The following RAF1 variants were observed in gnomAD, a reference collection of about 807,000 sequenced individuals.
RAF1 encodes the protein RAF proto-oncogene serine/threonine-protein kinase.
Under a neutral mutation model 81.1 loss-of-function variants are expected in RAF1, and 27 were observed. The observed-to-expected ratio is 0.33, with a 90% confidence interval of 0.25 to 0.46. The LOEUF is 0.46. Among genes scored for constraint, RAF1 ranks in the 20% least tolerant of loss-of-function variants. RAF1 has a pLI of 1.00. For synonymous variants in RAF1, 298 were observed against 294.0 expected (o/e 1.01, Z -0.14); for missense variants, 598 against 826.0 (o/e 0.72, Z 3.38).
chr3:12,609,437 T>C (rs1237365637), intron 3 of RAF1, 102 bp from the exon 4 acceptor site: 8 of 758,680 alleles, frequency 1.1e-5, no homozygotes, highest in Non-Finnish European at 1.9e-5. Context: ...AACACAACTT[T>C]ATTTAATCCA....
At chr3:12,585,070 G>C (rs2125320919) in intron 16 of RAF1, 52 bp downstream of exon 15, 1 of 1,614,096 alleles carries the variant, frequency 6.2e-7, no homozygotes, top group East Asian at 2.2e-5. Flanking sequence ...TAGGCTGGCG[G>C]AGGCCCAGGG....
chr3:12,657,064 G>A lies in RAF1; in HGVS notation c.-27+6749C>T, dbSNP rs556281181. 2.6e-5 allele frequency among the ~76,000 whole-genome samples: 4 copies of A among 151,874 alleles called. No homozygotes were observed. In the East Asian group the frequency reaches 7.7e-4, roughly 29 times the overall value. On this transcript the variant is annotated intron_variant, in intron 1 of 17. Transcript: ENST00000442415. ...ATGTCAGCCTCTCTCAATTAGATAA[G>A]GTCCTTGAAGGTAGGAACTTGCCTT...
intron 1 of RAF1, among the ~76,000 whole-genome samples, chr3:12,625,755 G>A (rs961736233): frequency 3.9e-5 from 6 of 152,056 alleles, no homozygotes; most frequent in Non-Finnish European, 5.9e-5. Flanking sequence ...CCAGGAGTTC[G>A]AGGCTGTAGT....
Position 12,583,772 on chromosome 3 carries a change from T to A in RAF1, c.*742A>T, listed in dbSNP as rs1001367241. 1.3e-5 allele frequency: 3 copies of A among 232,182 alleles called. No homozygotes were observed. The highest frequency in any genetic ancestry group is 1.1e-4 in the Admixed American group (2 of 17,744). 14.4% of individuals were successfully genotyped at this position (232,182 alleles called of 1,614,324 possible). On this transcript the variant is annotated 3_prime_UTR_variant, in exon 18 of 18. Transcript: ENST00000442415. ...GTGACTAGAGAAACAAGGCTGTTTG[T>A]TTGTTTGTTTGTTAGAGAAACAAGG...
intron 13 of RAF1, 172 bp downstream of exon 12, chr3:12,590,625 TG>T: frequency 1.3e-6 from 1 of 753,814 alleles, no homozygotes; most frequent in Non-Finnish European, 2.2e-6. Context: ...CCCACCCAGC[TG>T]GAACCTGAAC....
intron 11 of RAF1, among the ~76,000 whole-genome samples, chr3:12,594,825 A>G (rs569304116): frequency 6.6e-6 from 1 of 152,302 alleles, no homozygotes; most frequent in East Asian, 1.9e-4. Flanking sequence ...AGGGTCAACC[A>G]AAGACAGTGC....
intron 13 of RAF1, chr3:12,588,283 T>C (rs1199660858): frequency 6.6e-6 from 1 of 152,210 alleles, no homozygotes; most frequent in Non-Finnish European, 1.5e-5. Context: ...ATGCTAGGTC[T>C]AAGAGCCCAG....
At chr3:12,608,073 A>G (rs2059097489) in intron 5 of RAF1, among the ~76,000 whole-genome samples, 3 of 152,082 alleles carry the variant, frequency 2.0e-5, no homozygotes, top group African/African-American at 7.2e-5. Context: ...ATGAAAGCAA[A>G]AACATTTTCA....
intron 11 of RAF1, 77 bp downstream of exon 10, chr3:12,599,613 CT>C: frequency 9.4e-7 from 1 of 1,064,850 alleles, no homozygotes; most frequent in South Asian, 1.3e-5. Flanking sequence ...CAGTCCTCTC[CT>C]CCTCCTGGCC....
At chr3:12,613,384 T>G (rs2125436990) in intron 2 of RAF1, among the ~76,000 whole-genome samples, 1 of 152,212 alleles carries the variant, frequency 6.6e-6, no homozygotes, top group South Asian at 2.1e-4. Flanking sequence ...TGCTAACAGC[T>G]GACAGCAGCC....
At chr3:12,590,691 T>C (rs2058485510) in intron 13 of RAF1, 107 bp downstream of exon 12, 1 of 1,270,048 alleles carries the variant, frequency 7.9e-7, no homozygotes, top group Non-Finnish European at 1.1e-6. Context: ...TGTGCAAAGA[T>C]ATCACAGAAT....
chr3:12,611,964 G>C lies in RAF1; in HGVS notation c.306C>G (p.Leu102=), dbSNP rs1559438324. The C allele has an allele frequency of 6.2e-7, 1 of 1,613,962 alleles. No homozygotes were observed. The highest frequency in any genetic ancestry group is 8.5e-7 in the Non-Finnish European group (1 of 1,179,856). ...TGAGCTCTTACCCTTTGTGTTCGTG[G>C]AGAAGTCTGAACACTGCACAGCACT... The change falls in exon 3 of 18, where the codon CTC becomes CTG. Residue 102 remains leucine, a synonymous_variant. Transcript: ENST00000442415.
chr3:12,645,747 T>C (rs1207606338), intron 1 of RAF1, among the ~76,000 whole-genome samples: 1 of 151,662 alleles, frequency 6.6e-6, no homozygotes, highest in African/African-American at 2.4e-5. Flanking sequence ...TTTGTAGAGG[T>C]GGGGTGGGGT....
Position 12,663,828 on chromosome 3 carries a change from C to T in RAF1, c.-42G>A. 2.5e-6 allele frequency: 1 copy of T among 397,684 alleles called. No individual in the cohort carries two copies. The highest frequency in any genetic ancestry group is 4.4e-6 in the Non-Finnish European group (1 of 225,480). 24.6% of individuals were successfully genotyped at this position (397,684 alleles called of 1,614,324 possible). A position where few individuals can be genotyped will look rare whatever the true frequency, so the allele number is the denominator to read the frequency against. On this transcript the variant is annotated 5_prime_UTR_variant, in exon 1 of 18. Transcript: ENST00000442415. ...TGCCACCTACCTGAGGGAGCCAGGC[C>T]GCCCCAACGTCCTGTCGTTCGGCGG...
In RAF1 at chr3:12,585,152, A is replaced by G. The variant is rs761263229; in HGVS notation, c.1698T>C (p.Leu566=). The G allele has an allele frequency of 4.3e-6, 7 of 1,614,168 alleles. No individual in the cohort carries two copies. The highest frequency in any genetic ancestry group is 1.3e-5 in the African/African-American group (1 of 75,028). ...CTCGGTTGTTGATGTGAGAATAAGG[A>G]AGCTCCCCCGTCATCAGTTCATACA... The change falls in exon 16 of 18, where the codon CTT becomes CTC. Residue 566 remains leucine (L), a synonymous_variant. Transcript: ENST00000442415.
At chr3:12,643,961 T>C (rs1475013510) in intron 1 of RAF1, among the ~76,000 whole-genome samples, 1 of 152,186 alleles carries the variant, frequency 6.6e-6, no homozygotes, top group African/African-American at 2.4e-5. Context: ...TTCGGTGAAT[T>C]GTTGCATTCA....
intron 2 of RAF1, among the ~76,000 whole-genome samples, chr3:12,618,011 G>GGT (rs1472021022): frequency 1.3e-5 from 2 of 152,132 alleles, no homozygotes; most frequent in Non-Finnish European, 2.9e-5. Flanking sequence ...CTAAGTGGCT[G>GGT]GTGTCAGTGC....
At position 12,600,136 on chromosome 3, in the gene RAF1, T is replaced by A; in HGVS notation, c.1050+16A>T. 1 of 1,614,004 alleles carries A rather than the reference T, an allele frequency of 6.2e-7. No homozygotes were observed. The highest frequency in any genetic ancestry group is 1.1e-5 in the South Asian group (1 of 91,076). ...CTGAACCCTAATTGGCAGGAGGTAC[T>A]GTTGTCTATACTCACAATTTTGTTT... On this transcript the variant is annotated intron_variant, in intron 10 of 17. Transcript: ENST00000442415.
intron 1 of RAF1, among the ~76,000 whole-genome samples, chr3:12,624,430 T>A (rs895561540): frequency 4.6e-5 from 7 of 152,322 alleles, no homozygotes; most frequent in African/African-American, 1.7e-4. Flanking sequence ...TAAATGGAGA[T>A]AATCAGAAAC....
Sources: gnomAD v4.1 joint callset for allele counts (sites outside exome capture counted in the v4.1 genomes callset) on GRCh38, gnomAD v4.1.1 for gene constraint, MANE v1.5 for transcripts, NCBI Gene and HGNC (gene_info 2026-07-23, HGNC 2026-07-21) for gene names.